The following PGM5 variants were observed in gnomAD, a reference collection of about 807,000 sequenced individuals.
PGM5 encodes phosphoglucomutase-like protein 5.
A neutral mutation model predicts 59.2 loss-of-function variants in PGM5; 23 were observed. The ratio of observed to expected loss-of-function variants is 0.39; its 90% CI spans 0.28 to 0.55. The LOEUF (loss-of-function observed/expected upper bound fraction) is 0.55. PGM5 is among the 20% of genes least tolerant of loss of function. PGM5 has a pLI of 0.66. For missense variants in PGM5, 574 were observed against 748.3 expected (o/e 0.77, Z 2.72); for synonymous variants, 214 against 286.0 (o/e 0.75, Z 2.54).
intron 6 of PGM5, among the ~76,000 whole-genome samples, chr9:68,401,885 ATATATGTGTG>A (rs72491863): frequency 0.49 from 51,116 of 103,870 alleles, 9,147 homozygotes; most frequent in South Asian, 0.55. Context: ...AGCTATATAT[ATATATGTGTG>A]TGTGTGTGTG....
intron 6 of PGM5, among the ~76,000 whole-genome samples, chr9:68,425,483 A>T (rs573954574): frequency 6.6e-6 from 1 of 152,286 alleles, no homozygotes; most frequent in Non-Finnish European, 1.5e-5. Flanking sequence ...AAATTTCATA[A>T]ATATATATCT....
At chr9:68,502,936 G>A (rs553564443) in intron 10 of PGM5, among the ~76,000 whole-genome samples, 2 of 152,170 alleles carry the variant, frequency 1.3e-5, no homozygotes, top group South Asian at 4.2e-4. Flanking sequence ...TGATCCACCC[G>A]CCTCGGCCTC....
chr9:68,465,147 C>A lies in PGM5; in HGVS notation c.1098C>A (p.Phe366Leu), dbSNP rs1823913538. Residue 366 changes from phenylalanine to leucine, a missense_variant, in exon 7 of 11, where the codon TTC (phenylalanine) becomes TTA (leucine). Phe to Leu is a conservative substitution (Grantham distance 22). Around this residue, in one of 7 missense-constraint regions of PGM5, gnomAD observed 300 missense variants for 280.0 expected, o/e 1.07. Coordinates refer to ENST00000396396, the MANE Select transcript of PGM5 (RefSeq NM_021965.4). Reference sequence around the variant, plus strand: ...ATGAGACCCCAGCTGGATGGAGATTCTTCTCAAATCTGATGGACTCAGGAC... The same window carrying A: ...ATGAGACCCCAGCTGGATGGAGATTATTCTCAAATCTGATGGACTCAGGAC... ...PVYETPAGWRFFSNLMDSGRC... is the reference protein window; with the variant it reads ...PVYETPAGWRLFSNLMDSGRC... The A allele has an allele frequency of 6.2e-7, 1 of 1,613,434 alleles. No homozygotes were observed. Among genetic ancestry groups the A allele is most frequent in the South Asian group, 1.1e-5 (1 of 91,070 alleles).
intron 1 of PGM5, among the ~76,000 whole-genome samples, chr9:68,376,902 CTCTT>C (rs201227927): frequency 0.34 from 39,217 of 114,350 alleles, 8,929 homozygotes; most frequent in Admixed American, 0.39. Flanking sequence ...TTCTTTCTCT[CTCTT>C]TCTTTCTTTC....
intron 6 of PGM5, among the ~76,000 whole-genome samples, chr9:68,413,049 G>A (rs1323507529): frequency 6.6e-6 from 1 of 152,160 alleles, no homozygotes; most frequent in Non-Finnish European, 1.5e-5. Context: ...ATTTATCAAG[G>A]CAGGGCTTGG....
At chr9:68,521,521 A>C (rs933507601) in intron 10 of PGM5, among the ~76,000 whole-genome samples, 2 of 152,150 alleles carry the variant, frequency 1.3e-5, no homozygotes, top group Admixed American at 6.5e-5. Flanking sequence ...TCTGCTAACC[A>C]TTTGGTAAAG....
Position 68,392,348 on chromosome 9 carries a change from C to A in PGM5, c.918C>A (p.Gly306=). ...GDRYMILGQN[G]FFVSPSDSLA... ...GTTATATGATCCTAGGCCAAAATGG[C>A]TTCTTTGTGAGCCCTTCTGACTCCC... Residue 306 remains glycine (G), a synonymous_variant, in exon 6 of 11, where the codon GGC becomes GGA. Coordinates refer to ENST00000396396, the MANE Select transcript of PGM5 (RefSeq NM_021965.4). The A allele has an allele frequency of 6.2e-7, 1 of 1,611,340 alleles. No homozygotes were observed. The highest frequency in any genetic ancestry group is 8.5e-7 in the Non-Finnish European group (1 of 1,179,442).
chr9:68,385,310 T>G (rs1822188904), intron 3 of PGM5, among the ~76,000 whole-genome samples: 1 of 152,204 alleles, frequency 6.6e-6, no homozygotes, highest in Non-Finnish European at 1.5e-5. Flanking sequence ...GTTTTACTTT[T>G]TTAGTGCTTC....
chr9:68,449,217 C>T (rs782302767), intron 6 of PGM5, among the ~76,000 whole-genome samples: 3 of 152,174 alleles, frequency 2.0e-5, no homozygotes, highest in Admixed American at 1.3e-4. Flanking sequence ...AATAATATCA[C>T]GTTGGGGGTT....
intron 6 of PGM5, among the ~76,000 whole-genome samples, chr9:68,445,210 GA>G (rs147056641): frequency 2.3e-4 from 35 of 150,552 alleles, no homozygotes; most frequent in South Asian, 6.3e-4. Context: ...TAGATAGGTG[GA>G]AAAAAAAATC....
intron 6 of PGM5, among the ~76,000 whole-genome samples, chr9:68,425,780 T>A (rs1355439064): frequency 6.6e-6 from 1 of 152,216 alleles, no homozygotes; most frequent in Non-Finnish European, 1.5e-5. Context: ...TTTTACTGAT[T>A]AATGATGCAG....
intron 1 of PGM5, 89 bp downstream of exon 1, chr9:68,357,477 G>A: frequency 2.6e-6 from 4 of 1,513,504 alleles, no homozygotes; most frequent in Middle Eastern, 2.3e-4. Context: ...GGGCCCAGTT[G>A]GGAGGCCCCT....
At chr9:68,505,787 G>C (rs149073363) in intron 10 of PGM5, among the ~76,000 whole-genome samples, 9 of 152,230 alleles carry the variant, frequency 5.9e-5, no homozygotes, top group African/African-American at 1.9e-4. Context: ...GGTAATTATG[G>C]TTGATTAAAT....
intron 10 of PGM5, among the ~76,000 whole-genome samples, chr9:68,526,408 T>C (rs1482564842): frequency 6.6e-6 from 1 of 152,222 alleles, no homozygotes; most frequent in Admixed American, 6.5e-5. Context: ...GGAAGCCCTC[T>C]TCTCTGACAT....
chr9:68,384,624 T>C, intron 3 of PGM5, 80 bp downstream of exon 3: 1 of 838,962 alleles, frequency 1.2e-6, no homozygotes, highest in South Asian at 1.6e-5. Flanking sequence ...AGTAAACTCA[T>C]GAAAATTATT....
chr9:68,461,433 G>A (rs144340176), intron 6 of PGM5, among the ~76,000 whole-genome samples: 27 of 152,278 alleles, frequency 1.8e-4, no homozygotes, highest in Non-Finnish European at 2.8e-4. Flanking sequence ...CGTAGCAGTC[G>A]TTGCCACAGG....
chr9:68,459,041 G>C (rs1490460976), intron 6 of PGM5, among the ~76,000 whole-genome samples: 2 of 152,188 alleles, frequency 1.3e-5, no homozygotes, highest in Non-Finnish European at 2.9e-5. Context: ...GAGCTAACTT[G>C]AGGGCTGTTG....
At chr9:68,380,502 A>T (rs1192986526) in intron 2 of PGM5, among the ~76,000 whole-genome samples, 2 of 151,966 alleles carry the variant, frequency 1.3e-5, no homozygotes, top group African/African-American at 4.8e-5. Flanking sequence ...AAGGAAAAAG[A>T]TCTAAATAAG....
At chr9:68,367,189 G>T (rs1414119978) in intron 1 of PGM5, among the ~76,000 whole-genome samples, 2 of 150,870 alleles carry the variant, frequency 1.3e-5, no homozygotes, top group Admixed American at 6.6e-5. Flanking sequence ...ACAACATAAA[G>T]GACTTTTTTG....
Sources: gnomAD v4.1 joint callset for allele counts (sites outside exome capture counted in the v4.1 genomes callset) on GRCh38, gnomAD v4.1.1 for gene constraint, gnomAD v4.1.1 regional missense constraint, MANE v1.5 for transcripts, NCBI Gene and HGNC (gene_info 2026-07-23, HGNC 2026-07-21) for gene names.